CCDC60: variants seen among roughly 807,000 people sequenced by gnomAD.
CCDC60 encodes coiled-coil domain-containing protein 60.
Under a neutral mutation model 63.5 loss-of-function variants are expected in CCDC60, and 54 were observed. That is an observed-to-expected ratio of 0.85 (90% CI 0.68 to 1.07). The LOEUF (loss-of-function observed/expected upper bound fraction) is 1.07. CCDC60 is among the 50% of genes least tolerant of loss of function. CCDC60 has a pLI of 0.00. For synonymous variants in CCDC60, 206 were observed against 238.8 expected, an observed-to-expected ratio of 0.86 and a Z score of 1.27; for missense variants, 651 against 684.3, an observed-to-expected ratio of 0.95 and a Z score of 0.54.
intron 1 of CCDC60, among the ~76,000 whole-genome samples, chr12:119,418,108 G>A (rs1205131859): frequency 7.5e-6 from 1 of 134,022 alleles, no homozygotes; most frequent in East Asian, 2.1e-4. Flanking sequence ...TTATCTTTTT[G>A]TCATGTTTTT....
intron 1 of CCDC60, among the ~76,000 whole-genome samples, chr12:119,337,717 G>A (rs907571752): frequency 9.2e-5 from 14 of 152,036 alleles, no homozygotes; most frequent in Admixed American, 2.6e-4. Context: ...GATAAGAAAC[G>A]TTATAATGCA....
At chr12:119,416,439 A>C (rs938239788) in intron 1 of CCDC60, among the ~76,000 whole-genome samples, 2 of 150,962 alleles carry the variant, frequency 1.3e-5, no homozygotes, top group African/African-American at 5.0e-5. Context: ...GGGAGGTCTC[A>C]TTCATGAACA....
intron 4 of CCDC60, among the ~76,000 whole-genome samples, chr12:119,485,772 A>T (rs957963328): frequency 1.3e-5 from 2 of 152,190 alleles, no homozygotes; most frequent in African/African-American, 4.8e-5. Context: ...ATTTCAACAA[A>T]TGAATCTGGT....
chr12:119,461,308 G>T lies in CCDC60; in HGVS notation c.171-10686G>T, dbSNP rs1950852903. Among the ~76,000 whole-genome samples the T allele has an allele frequency of 2.0e-5, 3 of 152,054 alleles. No individual in the cohort carries two copies. In the South Asian group the frequency reaches 6.2e-4, roughly 32 times the overall value. The stretch of plus-strand genomic sequence containing the variant: ...ATTTTCCCCATTTGAAGATGAAGGG[G>T]TTGTGATTCAGAGAGGTTTAAAACC... On this transcript the variant is annotated intron_variant, in intron 2 of 13. Coordinates refer to ENST00000327554, the MANE Select transcript of CCDC60 (RefSeq NM_178499.5).
chr12:119,451,354 G>C (rs1053169750), intron 2 of CCDC60, among the ~76,000 whole-genome samples: 1 of 152,136 alleles, frequency 6.6e-6, no homozygotes, highest in African/African-American at 2.4e-5. Context: ...AGGGGGTTTA[G>C]AACAAAGTGC....
intron 1 of CCDC60, among the ~76,000 whole-genome samples, chr12:119,387,666 T>C (rs1236634766): frequency 1.3e-5 from 2 of 152,250 alleles, no homozygotes; most frequent in African/African-American, 4.8e-5. Flanking sequence ...AATGGGATTA[T>C]ACCATATGTA....
At chr12:119,342,645 A>C (rs1350042139) in intron 1 of CCDC60, among the ~76,000 whole-genome samples, 1 of 152,222 alleles carries the variant, frequency 6.6e-6, no homozygotes, top group African/African-American at 2.4e-5. Flanking sequence ...TGAGGGAAAA[A>C]GTAGAGTTCC....
At chr12:119,418,968 A>G (rs966723597) in intron 1 of CCDC60, among the ~76,000 whole-genome samples, 4 of 152,252 alleles carry the variant, frequency 2.6e-5, no homozygotes, top group Admixed American at 2.6e-4. Context: ...GAGACTCTCC[A>G]GCTGTTGACA....
intron 1 of CCDC60, among the ~76,000 whole-genome samples, chr12:119,370,957 A>G (rs1033266066): frequency 6.6e-6 from 1 of 152,160 alleles, no homozygotes; most frequent in Admixed American, 6.5e-5. Context: ...CTTTGAGCCC[A>G]GGAGGTTGAG....
At chr12:119,374,471 CA>C (rs1368865371) in intron 1 of CCDC60, among the ~76,000 whole-genome samples, 1 of 152,064 alleles carries the variant, frequency 6.6e-6, no homozygotes, top group Non-Finnish European at 1.5e-5. Context: ...AAGACAAATA[CA>C]TAGATAGTTG....
chr12:119,463,204 C>T (rs1424439464), intron 2 of CCDC60, among the ~76,000 whole-genome samples: 1 of 152,186 alleles, frequency 6.6e-6, no homozygotes, highest in Non-Finnish European at 1.5e-5. Flanking sequence ...GCCTTCCAAT[C>T]CATGAGAGAA....
At chr12:119,341,022 GA>G (rs1355370033) in intron 1 of CCDC60, among the ~76,000 whole-genome samples, 37 of 152,218 alleles carry the variant, frequency 2.4e-4, no homozygotes. Context: ...CTCTCTCCAA[GA>G]GGTTCTTCTA....
rs746398366 is a variant in CCDC60 at position 119,505,197 on chromosome 12, T to G, written c.777T>G (p.Pro259=). 6.2e-6 allele frequency: 10 copies of G among 1,614,012 alleles called. No homozygotes were observed. In the African/African-American group the frequency reaches 1.1e-4, roughly 17 times the overall value. The part of the protein sequence containing the change: ...SPQSSMISVN[P]GSDEPPSVNT... ...AGAGCAGCATGATCTCTGTGAACCC[T>G]GGCTCGGATGAGCCCCCAAGTGTGA... is the stretch of plus-strand genomic sequence containing the variant. The change falls in exon 7 of 14, where the codon CCT becomes CCG. Residue 259 remains proline, a synonymous_variant. Transcript: ENST00000327554.
At chr12:119,395,075 TG>T (rs1956227294) in intron 1 of CCDC60, among the ~76,000 whole-genome samples, 1 of 152,202 alleles carries the variant, frequency 6.6e-6, no homozygotes, top group Non-Finnish European at 1.5e-5. Context: ...GAAGGTATAA[TG>T]TGTTTCCAGG....
At chr12:119,431,540 T>C (rs952724356) in intron 2 of CCDC60, among the ~76,000 whole-genome samples, 2 of 152,354 alleles carry the variant, frequency 1.3e-5, no homozygotes, top group Middle Eastern at 3.4e-3. Context: ...GCATGACTCC[T>C]AAACCATAAT....
At chr12:119,470,713 A>G (rs1332963021) in intron 2 of CCDC60, among the ~76,000 whole-genome samples, 1 of 152,094 alleles carries the variant, frequency 6.6e-6, no homozygotes, top group Non-Finnish European at 1.5e-5. Context: ...GGGAAAGAAA[A>G]TCCTACTTTC....
chr12:119,484,390 C>T (rs1951391115), intron 4 of CCDC60, among the ~76,000 whole-genome samples: 1 of 152,092 alleles, frequency 6.6e-6, no homozygotes, highest in African/African-American at 2.4e-5. Context: ...TTTGTTACTA[C>T]TCTTTATTAT....
At chr12:119,530,822 G>A (rs1952820226) in intron 12 of CCDC60, 52 bp from the exon 13 acceptor site, 1 of 1,504,532 alleles carries the variant, frequency 6.6e-7, no homozygotes. Context: ...GGCCAGAGGT[G>A]CTCAGATCTT....
chr12:119,446,289 A>G (rs1950540711), intron 2 of CCDC60, among the ~76,000 whole-genome samples: 1 of 152,216 alleles, frequency 6.6e-6, no homozygotes, highest in African/African-American at 2.4e-5. Flanking sequence ...CTGAAGAGCA[A>G]TTCCTAAATC....
Sources: gnomAD v4.1 joint callset for allele counts (sites outside exome capture counted in the v4.1 genomes callset) on GRCh38, gnomAD v4.1.1 for gene constraint, MANE v1.5 for transcripts, NCBI Gene and HGNC (gene_info 2026-07-23, HGNC 2026-07-21) for gene names.